Variants in ZNF385D observed in about 807,000 individuals in gnomAD.
ZNF385D encodes zinc finger protein 659.
In ZNF385D, 15 loss-of-function variants were observed where a neutral mutation model predicts 35.8. The ratio of observed to expected loss-of-function variants is 0.42; its 90% CI spans 0.28 to 0.64. ZNF385D has a LOEUF of 0.64. Ranked by LOEUF, ZNF385D falls within the 30% of genes least tolerant of loss-of-function variation. The pLI, the probability that ZNF385D is intolerant of heterozygous loss-of-function variation, is 0.23. For missense variants in ZNF385D, 474 were observed against 494.6 expected (o/e 0.96, Z 0.39); for synonymous variants, 212 against 186.8 (o/e 1.13, Z -1.10).
At chr3:21,829,284 G>T (rs1437569105) in intron 3 of ZNF385D, among the ~76,000 whole-genome samples, 3 of 152,194 alleles carry the variant, frequency 2.0e-5, no homozygotes, top group East Asian at 3.9e-4. Flanking sequence ...TTCATTAGAG[G>T]TGGCCAGAAA....
At chr3:21,570,610 A>G (rs974836110) in intron 2 of ZNF385D, among the ~76,000 whole-genome samples, 3 of 152,214 alleles carry the variant, frequency 2.0e-5, no homozygotes, top group South Asian at 2.1e-4. Flanking sequence ...TCCAGTGACA[A>G]TAACTTTAAA....
chr3:22,315,954 A>G (rs1703864432), intron 2 of ZNF385D, among the ~76,000 whole-genome samples: 1 of 152,178 alleles, frequency 6.6e-6, no homozygotes, highest in African/African-American at 2.4e-5. Context: ...TTACTGCTAC[A>G]GTCATGTAGC....
intron 3 of ZNF385D, among the ~76,000 whole-genome samples, chr3:21,535,723 G>A (rs1222649016): frequency 2.0e-5 from 3 of 151,932 alleles, no homozygotes; most frequent in Non-Finnish European, 4.4e-5. Context: ...CAGTCTAGAA[G>A]CTCTCTTAAA....
At chr3:21,631,387 C>G (rs2065277016) in intron 2 of ZNF385D, among the ~76,000 whole-genome samples, 1 of 151,994 alleles carries the variant, frequency 6.6e-6, no homozygotes, top group African/African-American at 2.4e-5. Context: ...AGCAGGCCCA[C>G]CTCCTCTTAT....
At chr3:21,746,612 G>A (rs1019643383) in intron 1 of ZNF385D, among the ~76,000 whole-genome samples, 10 of 152,130 alleles carry the variant, frequency 6.6e-5, no homozygotes, top group Admixed American at 5.2e-4. Context: ...CTTTAAAAGG[G>A]GGACTTTAGA....
At chr3:22,256,285 C>A (rs1268370990) in intron 2 of ZNF385D, among the ~76,000 whole-genome samples, 2 of 150,522 alleles carry the variant, frequency 1.3e-5, no homozygotes, top group Admixed American at 6.7e-5. Flanking sequence ...CTCTAGAGAA[C>A]CCTAATACAC....
At chr3:21,942,299 T>G (rs764302877) in intron 3 of ZNF385D, among the ~76,000 whole-genome samples, 2 of 152,186 alleles carry the variant, frequency 1.3e-5, no homozygotes, top group African/African-American at 2.4e-5. Flanking sequence ...AAAAATAGAT[T>G]TGAATTCTTT....
chr3:21,529,443 CT>C (rs1453245114), intron 3 of ZNF385D, among the ~76,000 whole-genome samples: 1 of 152,096 alleles, frequency 6.6e-6, no homozygotes, highest in Non-Finnish European at 1.5e-5. Context: ...CTTTTTCATC[CT>C]TCTTCATTTT....
At chr3:21,845,021 AGAG>A (rs1695914022) in intron 3 of ZNF385D, among the ~76,000 whole-genome samples, 1 of 143,014 alleles carries the variant, frequency 7.0e-6, no homozygotes, top group Non-Finnish European at 1.6e-5. Flanking sequence ...TAAATAAATA[AGAG>A]AAGAAAAAGA....
At chr3:21,799,444 G>T (rs959985061) in intron 3 of ZNF385D, among the ~76,000 whole-genome samples, 1 of 152,054 alleles carries the variant, frequency 6.6e-6, no homozygotes, top group Admixed American at 6.5e-5. Flanking sequence ...TAAATTATAG[G>T]CATCCTAGTG....
intron 2 of ZNF385D, among the ~76,000 whole-genome samples, chr3:22,332,686 C>T (rs1694993512): frequency 6.6e-6 from 1 of 151,786 alleles, no homozygotes; most frequent in Non-Finnish European, 1.5e-5. Context: ...TATGGAAAGC[C>T]AAGATGAGAA....
chr3:21,968,532 G>A (rs71310300), intron 3 of ZNF385D, among the ~76,000 whole-genome samples: 1,960 of 152,094 alleles, frequency 0.013, 23 homozygotes, highest in Non-Finnish European at 0.019. Flanking sequence ...GAGGAGAGGA[G>A]AGAGTAAAGA....
At chr3:22,163,236 A>T (rs555695736) in intron 3 of ZNF385D, among the ~76,000 whole-genome samples, 17 of 152,132 alleles carry the variant, frequency 1.1e-4, no homozygotes, top group Non-Finnish European at 2.1e-4. Context: ...GACTTTAGAG[A>T]TTCTTGAATC....
intron 3 of ZNF385D, among the ~76,000 whole-genome samples, chr3:21,544,026 A>G (rs2062284251): frequency 6.6e-6 from 1 of 152,158 alleles, no homozygotes; most frequent in Admixed American, 6.5e-5. Flanking sequence ...GATGTCCGTA[A>G]AAAGAGTTCT....
chr3:21,884,688 A>G (rs1444890679), intron 3 of ZNF385D, among the ~76,000 whole-genome samples: 1 of 152,034 alleles, frequency 6.6e-6, no homozygotes, highest in Non-Finnish European at 1.5e-5. Flanking sequence ...ATTTGTGTGT[A>G]TTTCATCTGT....
intron 3 of ZNF385D, among the ~76,000 whole-genome samples, chr3:21,521,392 T>C (rs1261658518): frequency 6.6e-6 from 1 of 152,190 alleles, no homozygotes; most frequent in African/African-American, 2.4e-5. Flanking sequence ...CACCAGATGC[T>C]CTTGTAGGTA....
At chr3:21,792,690 A>C (rs919133930) in intron 3 of ZNF385D, among the ~76,000 whole-genome samples, 4 of 151,814 alleles carry the variant, frequency 2.6e-5, no homozygotes, top group Non-Finnish European at 5.9e-5. Flanking sequence ...CAGGCCCTAG[A>C]CCCCCTTTTA....
chr3:21,803,124 G>A (rs1334346503), intron 3 of ZNF385D, among the ~76,000 whole-genome samples: 1 of 152,170 alleles, frequency 6.6e-6, no homozygotes, highest in Non-Finnish European at 1.5e-5. Context: ...TTGGGAGGGA[G>A]TTATATAAGC....
chr3:21,473,528 C>G (rs1235822464), intron 4 of ZNF385D, among the ~76,000 whole-genome samples: 1 of 151,826 alleles, frequency 6.6e-6, no homozygotes. Context: ...TGCAAGTGGC[C>G]CCTTGTTGAA....
Sources: allele counts gnomAD v4.1 joint callset (sites outside exome capture counted in the v4.1 genomes callset), GRCh38; gene constraint gnomAD v4.1.1; transcripts MANE v1.5; gene names NCBI Gene and HGNC (gene_info 2026-07-23, HGNC 2026-07-21).